TMEM165: variants seen among roughly 807,000 people sequenced by gnomAD.
TMEM165 encodes putative divalent cation/proton antiporter TMEM165.
A neutral mutation model predicts 30.0 loss-of-function variants in TMEM165; 19 were observed. That is an observed-to-expected ratio of 0.63 (90% CI 0.44 to 0.93). The LOEUF is 0.93. Ranked by LOEUF, TMEM165 falls within the 40% of genes least tolerant of loss-of-function variation. The pLI is 0.00. For missense variants in TMEM165, 340 were observed against 417.0 expected, an observed-to-expected ratio of 0.82 and a Z score of 1.61; for synonymous variants, 168 against 162.9, an observed-to-expected ratio of 1.03 and a Z score of -0.24.
At chr4:55,438,890 C>A (rs1288065881) in intron 3 of TMEM165, among the ~76,000 whole-genome samples, 2 of 152,088 alleles carry the variant, frequency 1.3e-5, no homozygotes, top group Non-Finnish European at 2.9e-5. Flanking sequence ...TAGAAGAAAA[C>A]ATAGGGGAAA....
downstream of TMEM165, among the ~76,000 whole-genome samples, chr4:55,427,492 G>A (rs62303686): frequency 0.25 from 37,012 of 150,790 alleles, 4,888 homozygotes; most frequent in South Asian, 0.37. Context: ...ATAGGTGCCC[G>A]CCACCACGCC....
chr4:55,400,077 T>C (rs1366425389), intron 1 of TMEM165, among the ~76,000 whole-genome samples: 4 of 142,192 alleles, frequency 2.8e-5, no homozygotes. Context: ...ACTCCTGGGC[T>C]CAAGGGATCT....
intron 1 of TMEM165, among the ~76,000 whole-genome samples, chr4:55,402,760 AT>A (rs1721078467): frequency 1.0e-5 from 1 of 95,408 alleles, no homozygotes; most frequent in African/African-American, 4.3e-5. Flanking sequence ...GTGCATATAT[AT>A]TTTTGGGCAC....
intron 1 of TMEM165, among the ~76,000 whole-genome samples, chr4:55,400,389 A>C (rs1345475290): frequency 8.1e-6 from 1 of 123,066 alleles, no homozygotes; most frequent in African/African-American, 3.1e-5. Context: ...AATAATAATA[A>C]ATAATATTAA....
chr4:55,420,106 A>AAAAAAAAAAAAAAATAT (rs1474254120), intron 4 of TMEM165, among the ~76,000 whole-genome samples: 1 of 45,424 alleles, frequency 2.2e-5, no homozygotes, highest in Non-Finnish European at 4.1e-5. Flanking sequence ...AAGAAAAAAA[A>AAAAAAAAAAAAAAATAT]ATATATATAT....
chr4:55,449,346 T>A, intron 3 of TMEM165: 1 of 1,465,510 alleles, frequency 6.8e-7, no homozygotes, highest in Non-Finnish European at 9.6e-7. Context: ...AGATCATTTT[T>A]CCCCTCTTAA....
At chr4:55,417,020 C>T in intron 2 of TMEM165, 52 bp from the exon 3 acceptor site, 2 of 1,455,504 alleles carry the variant, frequency 1.4e-6, no homozygotes, top group Non-Finnish European at 1.8e-6. Flanking sequence ...TAACTGTTCC[C>T]TTGGTCGTGA....
At chr4:55,402,388 C>CGTGTGTGTGT (rs375368106) in intron 1 of TMEM165, among the ~76,000 whole-genome samples, 1 of 27,900 alleles carries the variant, frequency 3.6e-5, no homozygotes, top group African/African-American at 1.2e-4. Flanking sequence ...TAAGTGCGTG[C>CGTGTGTGTGT]GTGTGTGTGT....
chr4:55,448,643 T>TGTGC (rs1553891283), intron 3 of TMEM165: 143 of 579,572 alleles, frequency 2.5e-4, no homozygotes, highest in African/African-American at 3.6e-4. Context: ...TGTGTGTGTG[T>TGTGC]GCTCCTACCT....
intron 1 of TMEM165, among the ~76,000 whole-genome samples, chr4:55,407,415 A>C (rs1381498487): frequency 2.0e-5 from 3 of 152,214 alleles, no homozygotes; most frequent in Admixed American, 6.5e-5. Context: ...CTGAAGATTT[A>C]ATATGAAAAA....
chr4:55,443,538 A>AT, intron 3 of TMEM165: 1 of 687,364 alleles, frequency 1.5e-6, no homozygotes, highest in Admixed American at 2.5e-5. Context: ...TGCACAAAAT[A>AT]TTTTAATAAT....
At chr4:55,428,788 T>C (rs1722342391), downstream of TMEM165, 1 of 121,078 alleles carries the variant, frequency 8.3e-6, no homozygotes, top group Admixed American at 7.9e-5. Context: ...AAGGTAAAAC[T>C]TTTTTTTTTT....
chr4:55,426,975 A>AGTC (rs1340130600), downstream of TMEM165, among the ~76,000 whole-genome samples: 1 of 152,150 alleles, frequency 6.6e-6, no homozygotes, highest in East Asian at 1.9e-4. Context: ...GTGGTTAGAC[A>AGTC]GTCTATATTG....
chr4:55,400,272 A>AT (rs1720911094), intron 1 of TMEM165, among the ~76,000 whole-genome samples: 31 of 83,172 alleles, frequency 3.7e-4, no homozygotes, highest in East Asian at 9.2e-4. Flanking sequence ...TATAATATAT[A>AT]ATATAATATT....
intron 2 of TMEM165, 61 bp downstream of exon 2, chr4:55,411,900 A>T: frequency 6.6e-7 from 1 of 1,506,486 alleles, no homozygotes; most frequent in African/African-American, 1.4e-5. Context: ...GTTGTGTGAC[A>T]TGGAGTCACT....
chr4:55,406,406 A>G (rs745809541), intron 1 of TMEM165, among the ~76,000 whole-genome samples: 1 of 152,190 alleles, frequency 6.6e-6, no homozygotes, highest in Non-Finnish European at 1.5e-5. Context: ...CCCCTGTTCT[A>G]GTCATTCTGG....
At chr4:55,398,433 A>C (rs971876067) in intron 1 of TMEM165, among the ~76,000 whole-genome samples, 2 of 152,250 alleles carry the variant, frequency 1.3e-5, no homozygotes, top group Non-Finnish European at 2.9e-5. Flanking sequence ...CAGCAGAACC[A>C]GAATTAGAAT....
At chr4:55,450,022 C>A in intron 3 of TMEM165, 1 of 1,544,090 alleles carries the variant, frequency 6.5e-7, no homozygotes, top group East Asian at 2.3e-5. Context: ...ATGAGAAATG[C>A]TGATATAAGT....
chr4:55,400,536 C>T (rs1252278601), intron 1 of TMEM165, among the ~76,000 whole-genome samples: 2 of 148,206 alleles, frequency 1.3e-5, no homozygotes, highest in South Asian at 2.1e-4. Context: ...CTTCCAGGCT[C>T]ACGCCATTCT....
Sources: gnomAD v4.1 joint callset for allele counts (sites outside exome capture counted in the v4.1 genomes callset) on GRCh38, gnomAD v4.1.1 for gene constraint, MANE v1.5 for transcripts, NCBI Gene and HGNC (gene_info 2026-07-23, HGNC 2026-07-21) for gene names.